CELF1: variants seen among roughly 807,000 people sequenced by gnomAD.
CELF1 encodes the protein 50 kDa nuclear polyadenylated RNA-binding protein.
CELF1 carries 10 observed loss-of-function variants against 61.8 expected under a neutral mutation model. The ratio of observed to expected loss-of-function variants is 0.16; its 90% CI spans 0.10 to 0.27. CELF1 has a LOEUF of 0.27. Among genes scored for constraint, CELF1 ranks in the 10% least tolerant of loss-of-function variants. The pLI is 1.00. For synonymous variants in CELF1, 236 were observed against 225.1 expected (o/e 1.05, Z -0.43); for missense variants, 380 against 639.1 (o/e 0.59, Z 4.37).
At chr11:47,560,467 G>A (rs188204118) in intron 2 of CELF1, among the ~76,000 whole-genome samples, 2 of 152,264 alleles carry the variant, frequency 1.3e-5, no homozygotes, top group East Asian at 3.9e-4. Flanking sequence ...TTATCAATAT[G>A]TGTACATGAA....
intron 14 of CELF1, 31 bp downstream of exon 14, chr11:47,473,057 C>A: frequency 6.2e-7 from 1 of 1,606,590 alleles, no homozygotes; most frequent in South Asian, 1.1e-5. Flanking sequence ...AATACTAATC[C>A]CATCCTGACA....
rs977154066 is a variant in CELF1 at position 47,510,127 on chromosome 11, T to G, written c.-153-9195A>C. On this transcript the variant is annotated intron_variant, in intron 1 of 14. Transcript: ENST00000687097. ...AGAGCAAGATGAAGGGCAAGCTAGC[T>G]GAGAGTTCCAATATTATCTACCTGC... Among the ~76,000 whole-genome samples, 14 of 152,116 alleles carry G rather than the reference T, an allele frequency of 9.2e-5. No homozygotes were observed. The East Asian group carries it at 2.7e-3, about 29-fold the overall frequency.
chr11:47,540,672 T>A (rs973621207), intron 1 of CELF1, among the ~76,000 whole-genome samples: 1 of 151,916 alleles, frequency 6.6e-6, no homozygotes, highest in Non-Finnish European at 1.5e-5. Flanking sequence ...GATCACGAGG[T>A]CAGGAGTTCA....
At position 47,513,792 on chromosome 11, in the gene CELF1, G is replaced by A. The variant is rs188765328; in HGVS notation, c.-153-12860C>T. ...TTTTTTTAAACAAAATATTTCATAA[G>A]TATTCCTTCCTGTTTTAATTTTTCC... On this transcript the variant is annotated intron_variant, in intron 1 of 14. Transcript: ENST00000687097. 6.0e-5 allele frequency: 9 copies of A among 150,386 alleles called. 1 individual carries two copies. In the East Asian group the frequency reaches 1.8e-3, roughly 30 times the overall value. 9.3% of individuals were successfully genotyped at this position (150,386 alleles called of 1,614,324 possible). A position where few individuals can be genotyped will look rare whatever the true frequency, so the allele number is the denominator to read the frequency against.
intron 1 of CELF1, among the ~76,000 whole-genome samples, chr11:47,544,347 T>C (rs1291220922): frequency 2.0e-5 from 3 of 152,284 alleles, no homozygotes; most frequent in East Asian, 3.9e-4. Flanking sequence ...TCAGGCACTG[T>C]TCAGTGCCTA....
intron 14 of CELF1, among the ~76,000 whole-genome samples, chr11:47,472,720 T>G (rs991180573): frequency 6.6e-6 from 1 of 152,104 alleles, no homozygotes; most frequent in Non-Finnish European, 1.5e-5. Flanking sequence ...GTCTGACTAA[T>G]TTTTTGTAGC....
intron 1 of CELF1, among the ~76,000 whole-genome samples, chr11:47,536,481 G>A (rs149191407): frequency 1.3e-5 from 2 of 152,174 alleles, no homozygotes; most frequent in African/African-American, 4.8e-5. Context: ...TTTGTAGGCC[G>A]GGTGTGGTGG....
Position 47,487,141 on chromosome 11 carries a change from T to C in CELF1, c.342+18A>G, listed in dbSNP as rs1596490886. ...TCAAAGTTACCACATTTCCATTTAC[T>C]AGTGGGAGCTTTCTTACCCCTGGGA... is the stretch of plus-strand genomic sequence containing the variant. On this transcript the variant is annotated intron_variant, in intron 5 of 14. Coordinates refer to ENST00000687097, the MANE Select transcript of CELF1 (RefSeq NM_001376376.1). 1 of 1,577,112 alleles carries C rather than the reference T, an allele frequency of 6.3e-7. No homozygotes were observed.
At chr11:47,518,880 C>T (rs1008147722) in intron 1 of CELF1, among the ~76,000 whole-genome samples, 1 of 152,212 alleles carries the variant, frequency 6.6e-6, no homozygotes, top group African/African-American at 2.4e-5. Context: ...ACCATCTGCC[C>T]CAACCTCACC....
chr11:47,485,916 CT>C (rs1267148448), intron 6 of CELF1, among the ~76,000 whole-genome samples: 1 of 146,694 alleles, frequency 6.8e-6, no homozygotes, highest in Non-Finnish European at 1.5e-5. Flanking sequence ...AATCCCAGCA[CT>C]TTGGGAGGCC....
At chr11:47,544,723 G>C (rs1342404868) in intron 1 of CELF1, among the ~76,000 whole-genome samples, 1 of 152,146 alleles carries the variant, frequency 6.6e-6, no homozygotes, top group African/African-American at 2.4e-5. Flanking sequence ...TCAACTTTGG[G>C]AGGCTGAGGC....
At chr11:47,554,932 G>A (rs563302613), upstream of CELF1, among the ~76,000 whole-genome samples, 1 of 152,230 alleles carries the variant, frequency 6.6e-6, no homozygotes, top group Non-Finnish European at 1.5e-5. Context: ...TCAAAGTGCT[G>A]GGATTACAGG....
intron 1 of CELF1, among the ~76,000 whole-genome samples, chr11:47,533,269 T>C (rs1037647380): frequency 1.3e-5 from 2 of 152,122 alleles, no homozygotes; most frequent in Non-Finnish European, 2.9e-5. Flanking sequence ...GGGGGATCAC[T>C]TGAGGTCAGG....
intron 1 of CELF1, among the ~76,000 whole-genome samples, chr11:47,543,187 A>G (rs559579414): frequency 6.6e-6 from 1 of 152,236 alleles, no homozygotes; most frequent in South Asian, 2.1e-4. Context: ...GAGGATTGCT[A>G]GAGACCAGGG....
chr11:47,482,159 C>T (rs952200277), intron 9 of CELF1, among the ~76,000 whole-genome samples: 19 of 152,112 alleles, frequency 1.2e-4, no homozygotes, highest in African/African-American at 4.3e-4. Context: ...CAAGATTGTG[C>T]CACTGCACTC....
chr11:47,562,226 C>CAAAAAAAAAAAAAAAAA (rs745795043), intron 2 of CELF1, among the ~76,000 whole-genome samples: 1 of 81,668 alleles, frequency 1.2e-5, no homozygotes, highest in Non-Finnish European at 2.5e-5. Context: ...AACTCCATCT[C>CAAAAAAAAAAAAAAAAA]AAAAAAAAAA....
In CELF1 at chr11:47,492,751, T is replaced by G. The variant is rs1487754651; in HGVS notation, c.72-3727A>C. Among the ~76,000 whole-genome samples, 3 of 152,088 alleles carry G rather than the reference T, an allele frequency of 2.0e-5. No homozygotes were observed. The East Asian group carries it at 5.8e-4, about 29-fold the overall frequency. ...TGTCTCCAGAAAAAAAAGGCAGCCC[T>G]ATCACTAGTGAAACACTGGCTCCCT... On this transcript the variant is annotated intron_variant, in intron 3 of 14. Transcript: ENST00000687097.
In CELF1 at chr11:47,473,352, C is replaced by A. The variant is rs189906646; in HGVS notation, c.1274-121G>T. ...ACAATCCCTAAAAACAGAGATTCAT[C>A]TGGGGAACTAAACAGATTCTCTAAA... is the stretch of plus-strand genomic sequence containing the variant. On this transcript the variant is annotated intron_variant, in intron 13 of 14. Coordinates refer to ENST00000687097, the MANE Select transcript of CELF1 (RefSeq NM_001376376.1). 1,704 of 902,642 alleles carry A rather than the reference C, an allele frequency of 1.9e-3. 7 individuals carry two copies. Among genetic ancestry groups the A allele is most frequent in the Non-Finnish European group, 2.1e-3 (1,278 of 597,114 alleles). The allele number at this position is 902,642 out of a possible 1,614,324, so 55.9% of individuals were successfully genotyped here.
Position 47,483,440 on chromosome 11 carries a change from A to G in CELF1, c.606+13T>C, listed in dbSNP as rs1432436761. ...AGCTGAGGAATTTTCCCCATCACCT[A>G]TCTGCTCCCTACCTCCATGGTCTGT... On this transcript the variant is annotated intron_variant, in intron 8 of 14. Transcript: ENST00000687097. 7 of 1,610,788 alleles carry G rather than the reference A, an allele frequency of 4.3e-6. No homozygotes were observed. Among genetic ancestry groups the G allele is most frequent in the South Asian group, 1.1e-5 (1 of 91,004 alleles).
Sources: allele counts gnomAD v4.1 joint callset (sites outside exome capture counted in the v4.1 genomes callset), GRCh38; gene constraint gnomAD v4.1.1; transcripts MANE v1.5; gene names NCBI Gene and HGNC (gene_info 2026-07-23, HGNC 2026-07-21).